The following ZFAND3 variants were observed in gnomAD, a reference collection of about 807,000 sequenced individuals.
The protein encoded by ZFAND3 is AN1-type zinc finger protein 3.
A neutral mutation model predicts 29.6 loss-of-function variants in ZFAND3; 10 were observed. That is an observed-to-expected ratio of 0.34 (90% CI 0.21 to 0.57). The LOEUF (loss-of-function observed/expected upper bound fraction) is 0.57, where lower values mean the gene tolerates loss of function less well. Among genes scored for constraint, ZFAND3 ranks in the 20% least tolerant of loss-of-function variants. The pLI, the probability that ZFAND3 is intolerant of heterozygous loss-of-function variation, is 0.86. For synonymous variants in ZFAND3, 128 were observed against 112.6 expected (o/e 1.14, Z -0.87); for missense variants, 230 against 304.5 (o/e 0.76, Z 1.82).
intron 1 of ZFAND3, among the ~76,000 whole-genome samples, chr6:37,905,319 G>T (rs1202576540): frequency 6.6e-6 from 1 of 152,030 alleles, no homozygotes; most frequent in Non-Finnish European, 1.5e-5. Context: ...AGATCCTGGG[G>T]TGGGGCCTAG....
chr6:37,833,644 G>T (rs529093099), intron 1 of ZFAND3, among the ~76,000 whole-genome samples: 4 of 152,052 alleles, frequency 2.6e-5, no homozygotes, highest in African/African-American at 9.6e-5. Context: ...GGCCAACATA[G>T]TGAAACCTCG....
chr6:37,896,537 T>C (rs1765211817), intron 1 of ZFAND3, among the ~76,000 whole-genome samples: 1 of 124,330 alleles, frequency 8.0e-6, no homozygotes, highest in Non-Finnish European at 1.6e-5. Flanking sequence ...TTTCTTTCTT[T>C]CTTTCTTTCT....
At chr6:37,917,239 T>A (rs1189338809) in intron 1 of ZFAND3, among the ~76,000 whole-genome samples, 1 of 152,210 alleles carries the variant, frequency 6.6e-6, no homozygotes, top group Non-Finnish European at 1.5e-5. Context: ...TATATCATTG[T>A]GTGATCATAG....
rs70981516 is a variant in ZFAND3, at chr6:37,983,343, CTTTTTTTTTTTTTTTTT to C, written c.112+53358_112+53374del. ...CCTATACAGGTGTACCAGTTTTTAT[CTTTTTTTTTTTTTTTTT>C]TTTTTTTTTTTTTGAGATGGAGTTT... On this transcript the variant is annotated intron_variant, in intron 2 of 5. Transcript: ENST00000287218. 2.6e-4 allele frequency among the ~76,000 whole-genome samples: 13 copies of C among 50,046 alleles called. No individual in the cohort carries two copies. In the Admixed American group the frequency reaches 2.9e-3, roughly 11 times the overall value. 32.8% of individuals were successfully genotyped at this position (50,046 alleles called of 152,430 possible).
At chr6:38,060,329 C>T (rs887037514) in intron 2 of ZFAND3, among the ~76,000 whole-genome samples, 9 of 152,156 alleles carry the variant, frequency 5.9e-5, no homozygotes, top group Non-Finnish European at 1.2e-4. Context: ...CATATTCTGA[C>T]AGTACTCTAG....
chr6:38,034,069 G>A (rs1352260401), intron 2 of ZFAND3, among the ~76,000 whole-genome samples: 1 of 152,088 alleles, frequency 6.6e-6, no homozygotes, highest in Non-Finnish European at 1.5e-5. Flanking sequence ...GAAAAAAAGT[G>A]GTAGTACAAT....
At chr6:37,962,210 G>C (rs1247259670) in intron 2 of ZFAND3, among the ~76,000 whole-genome samples, 1 of 152,188 alleles carries the variant, frequency 6.6e-6, no homozygotes, top group African/African-American at 2.4e-5. Flanking sequence ...TGAAATTGGT[G>C]TACTGAAGAA....
At chr6:37,941,541 TTTCTTG>T (rs764633745) in intron 2 of ZFAND3, among the ~76,000 whole-genome samples, 2 of 152,194 alleles carry the variant, frequency 1.3e-5, no homozygotes, top group Non-Finnish European at 2.9e-5. Context: ...TCTTAACATC[TTTCTTG>T]TTCTTGTTCA....
At chr6:37,846,739 T>C (rs1262433018) in intron 1 of ZFAND3, among the ~76,000 whole-genome samples, 2 of 149,040 alleles carry the variant, frequency 1.3e-5, no homozygotes, top group African/African-American at 5.0e-5. Context: ...TGGAATGGAG[T>C]CTCGCTCTGT....
At chr6:38,066,074 A>G (rs1764341106) in intron 3 of ZFAND3, among the ~76,000 whole-genome samples, 1 of 152,198 alleles carries the variant, frequency 6.6e-6, no homozygotes. Context: ...AGTAGTGGTT[A>G]ACAGGCATGT....
intron 1 of ZFAND3, among the ~76,000 whole-genome samples, chr6:37,921,794 G>C (rs11751927): frequency 0.17 from 25,796 of 151,180 alleles, 2,438 homozygotes; most frequent in East Asian, 0.33. Context: ...ACCTGTAATC[G>C]CAGCACTTTG....
In ZFAND3 at chr6:37,955,169, G is replaced by GTGTGCA. The variant is rs766710384; in HGVS notation, c.112+25173_112+25174insGCATGT. Among the ~76,000 whole-genome samples, 1,139 of 135,912 alleles carry GTGTGCA rather than the reference G, an allele frequency of 8.4e-3. 7 individuals carry two copies. The highest frequency in any genetic ancestry group is 0.015 in the Non-Finnish European group (849 of 57,724). The allele number at this position is 135,912 out of a possible 152,430, so 89.2% of individuals were successfully genotyped here. ...AATTTTTGTGTGTGTGTGTGTGTGT[G>GTGTGCA]TGTCTCTAAGGGAATCACTGTCCTT... is the stretch of plus-strand genomic sequence containing the variant. On this transcript the variant is annotated intron_variant, in intron 2 of 5. Coordinates refer to ENST00000287218, the MANE Select transcript of ZFAND3 (RefSeq NM_021943.3).
chr6:37,936,488 C>T (rs1040329141), intron 2 of ZFAND3, among the ~76,000 whole-genome samples: 3 of 152,140 alleles, frequency 2.0e-5, no homozygotes, highest in Non-Finnish European at 2.9e-5. Context: ...ACCACTTGGT[C>T]GGTGGACTTT....
chr6:38,041,249 C>G (rs1396485845), intron 2 of ZFAND3, among the ~76,000 whole-genome samples: 3 of 152,156 alleles, frequency 2.0e-5, no homozygotes, highest in Non-Finnish European at 4.4e-5. Flanking sequence ...GTGCTCATGT[C>G]TCTCCACTAT....
intron 5 of ZFAND3, among the ~76,000 whole-genome samples, chr6:38,128,491 C>G (rs1472407349): frequency 6.6e-6 from 1 of 152,174 alleles, no homozygotes; most frequent in Non-Finnish European, 1.5e-5. Flanking sequence ...CCCTTCCCAC[C>G]CTTTCCCCCT....
intron 1 of ZFAND3, 24 bp downstream of exon 1, chr6:37,820,040 CG>C (rs1283133948): frequency 8.8e-6 from 2 of 226,828 alleles, no homozygotes; most frequent in Non-Finnish European, 1.4e-5. Context: ...CGGGTGGGGG[CG>C]GGGGGCGGGG....
At chr6:38,144,321 A>G (rs113092218) in intron 5 of ZFAND3, among the ~76,000 whole-genome samples, 2 of 151,660 alleles carry the variant, frequency 1.3e-5, no homozygotes, top group South Asian at 4.2e-4. Flanking sequence ...TTTAGATGCC[A>G]AGTGGTTCAT....
At chr6:37,842,249 T>C (rs1013293850) in intron 1 of ZFAND3, among the ~76,000 whole-genome samples, 4 of 152,158 alleles carry the variant, frequency 2.6e-5, no homozygotes, top group African/African-American at 9.7e-5. Context: ...CCAGGAGATA[T>C]ACTATGTAAT....
At chr6:37,844,584 T>G (rs1238806118) in intron 1 of ZFAND3, among the ~76,000 whole-genome samples, 1 of 151,982 alleles carries the variant, frequency 6.6e-6, no homozygotes, top group African/African-American at 2.4e-5. Context: ...CCCGGCCAGT[T>G]TTTTTCTTTT....
Sources: gnomAD v4.1 joint callset for allele counts (sites outside exome capture counted in the v4.1 genomes callset) on GRCh38, gnomAD v4.1.1 for gene constraint, MANE v1.5 for transcripts, NCBI Gene and HGNC (gene_info 2026-07-23, HGNC 2026-07-21) for gene names.